The following SOX6 variants were observed in gnomAD, a reference collection of about 807,000 sequenced individuals.
SOX6 encodes the protein transcription factor SOX-6.
In SOX6, 11 loss-of-function variants were observed where a neutral mutation model predicts 97.8. The observed-to-expected ratio is 0.11, with a 90% confidence interval of 0.07 to 0.19. SOX6 has a LOEUF of 0.19. SOX6 is among the 10% of genes least tolerant of loss of function. The pLI, the probability that SOX6 is intolerant of heterozygous loss-of-function variation, is 1.00. For synonymous variants in SOX6, 360 were observed against 371.4 expected (o/e 0.97, Z 0.35); for missense variants, 810 against 1,039.5 (o/e 0.78, Z 3.04).
chr11:16,559,442 T>C (rs1847784946), intron 4 of SOX6, among the ~76,000 whole-genome samples: 1 of 151,912 alleles, frequency 6.6e-6, no homozygotes, highest in Admixed American at 6.6e-5. Context: ...CACAGACAAA[T>C]CTGAAACTGA....
rs561136656 is a variant in SOX6 at position 16,694,937 on chromosome 11, G to T, written n.429+19893C>A. 2.6e-5 allele frequency among the ~76,000 whole-genome samples: 4 copies of T among 152,228 alleles called. No individual in the cohort carries two copies. The East Asian group carries it at 7.7e-4, about 29-fold the overall frequency. On this transcript the variant is annotated intron_variant and non_coding_transcript_variant, in intron 3 of 5. Coordinates refer to the SOX6 transcript ENST00000524520. ...CAACTATATACATAGCATTTACATT[G>T]TATTAGGCATTATAAGTAATTTAGA...
chr11:16,452,251 G>T (rs1859732065), intron 1 of SOX6, among the ~76,000 whole-genome samples: 1 of 152,132 alleles, frequency 6.6e-6, no homozygotes, highest in Admixed American at 6.6e-5. Context: ...GACTTAATAG[G>T]ACAACAGGGC....
intron 6 of SOX6, among the ~76,000 whole-genome samples, chr11:16,132,458 A>AAG (rs1849832652): frequency 2.2e-5 from 3 of 135,580 alleles, no homozygotes; most frequent in African/African-American, 8.2e-5. Flanking sequence ...GAAAGAAAGA[A>AAG]AGAAAGAAAG....
chr11:16,218,941 T>C (rs190222304), intron 4 of SOX6, among the ~76,000 whole-genome samples: 2 of 152,146 alleles, frequency 1.3e-5, no homozygotes, highest in Non-Finnish European at 2.9e-5. Flanking sequence ...AAGGAGAAAA[T>C]AAAAAGTGGG....
intron 4 of SOX6, among the ~76,000 whole-genome samples, chr11:16,510,653 T>C (rs1860867182): frequency 6.6e-6 from 1 of 152,098 alleles, no homozygotes; most frequent in Admixed American, 6.5e-5. Context: ...AATCCATCTT[T>C]TTATGTTAAA....
intron 4 of SOX6, among the ~76,000 whole-genome samples, chr11:16,523,561 C>A (rs958699198): frequency 3.3e-5 from 5 of 151,910 alleles, no homozygotes; most frequent in African/African-American, 1.2e-4. Context: ...CCTAACATCA[C>A]AATTAAAAGA....
At chr11:16,373,005 G>A (rs892930470) in intron 1 of SOX6, among the ~76,000 whole-genome samples, 6 of 151,758 alleles carry the variant, frequency 4.0e-5, no homozygotes, top group African/African-American at 9.7e-5. Context: ...CATTTTTTTC[G>A]CAAAGGTAAT....
chr11:16,459,850 G>A (rs1859885578), intron 1 of SOX6, among the ~76,000 whole-genome samples: 1 of 151,974 alleles, frequency 6.6e-6, no homozygotes, highest in East Asian at 1.9e-4. Context: ...AGGACAACTT[G>A]AAGCTGCATA....
At chr11:16,583,603 G>GTATATATATATATATATATA (rs1848051876) in intron 4 of SOX6, among the ~76,000 whole-genome samples, 2 of 22,668 alleles carry the variant, frequency 8.8e-5, no homozygotes, top group Non-Finnish European at 8.1e-5. Context: ...GTATATATGT[G>GTATATATATATATATATATA]TATATATATA....
intron 4 of SOX6, among the ~76,000 whole-genome samples, chr11:16,591,822 A>G (rs1200343350): frequency 1.3e-5 from 2 of 152,120 alleles, no homozygotes; most frequent in African/African-American, 4.8e-5. Context: ...AATTTGTGCA[A>G]TCAATGATGT....
chr11:16,476,318 T>C (rs1263428519), exon 1 of SOX6: 2 of 152,434 alleles, frequency 1.3e-5, no homozygotes, highest in African/African-American at 4.8e-5. Flanking sequence ...TACTTACAAA[T>C]ATGCACAAAA....
chr11:16,481,084 TG>T (rs1860337209), upstream of SOX6, among the ~76,000 whole-genome samples: 1 of 152,180 alleles, frequency 6.6e-6, no homozygotes, highest in Non-Finnish European at 1.5e-5. Context: ...TTAAAACTAT[TG>T]CTATTTCCTC....
intron 3 of SOX6, among the ~76,000 whole-genome samples, chr11:16,239,796 C>G (rs1006415821): frequency 6.6e-6 from 1 of 152,044 alleles, no homozygotes; most frequent in South Asian, 2.1e-4. Flanking sequence ...GCCAGCTCCC[C>G]TTTTGCTCCA....
At chr11:16,730,975 C>T (rs1848345063) in intron 2 of SOX6, among the ~76,000 whole-genome samples, 1 of 152,108 alleles carries the variant, frequency 6.6e-6, no homozygotes, top group Admixed American at 6.5e-5. Flanking sequence ...AACACCTCTA[C>T]ATAAATAAAC....
chr11:16,395,475 T>C (rs1858326620), intron 1 of SOX6, among the ~76,000 whole-genome samples: 1 of 151,650 alleles, frequency 6.6e-6, no homozygotes, highest in African/African-American at 2.4e-5. Flanking sequence ...ATTATGTGAA[T>C]ATCTTGGTGT....
At chr11:16,168,570 C>T (rs77529913) in intron 6 of SOX6, among the ~76,000 whole-genome samples, 349 of 152,248 alleles carry the variant, frequency 2.3e-3, no homozygotes, top group Non-Finnish European at 4.0e-3. Context: ...CTTATGGAAA[C>T]CACTATATTT....
intron 4 of SOX6, among the ~76,000 whole-genome samples, chr11:16,501,991 T>A (rs1480179352): frequency 2.0e-5 from 3 of 152,184 alleles, no homozygotes; most frequent in Admixed American, 2.0e-4. Context: ...TAAAACATGC[T>A]GCTATAAAGA....
chr11:16,671,878 G>C (rs1347261065), intron 3 of SOX6, among the ~76,000 whole-genome samples: 2 of 152,130 alleles, frequency 1.3e-5, no homozygotes, highest in Non-Finnish European at 1.5e-5. Context: ...ATGAAACAAA[G>C]AATGTTATGG....
intron 1 of SOX6, among the ~76,000 whole-genome samples, chr11:16,459,845 A>C (rs539223555): frequency 1.3e-5 from 2 of 152,160 alleles, no homozygotes; most frequent in South Asian, 4.1e-4. Context: ...GTTGTAGGAC[A>C]ACTTGAAGCT....
Sources: gnomAD v4.1 joint callset for allele counts (sites outside exome capture counted in the v4.1 genomes callset) on GRCh38, gnomAD v4.1.1 for gene constraint, MANE v1.5 for transcripts, NCBI Gene and HGNC (gene_info 2026-07-23, HGNC 2026-07-21) for gene names.